Variants in BRD4 observed in about 807,000 individuals in gnomAD.
BRD4 encodes bromodomain containing 4, also known as bromodomain-containing protein 4.
A neutral mutation model predicts 142.1 loss-of-function variants in BRD4; 16 were observed. That is an observed-to-expected ratio of 0.11 (90% CI 0.08 to 0.17). BRD4 has a LOEUF of 0.17. Ranked by LOEUF, BRD4 falls within the 10% of genes least tolerant of loss-of-function variation. BRD4 has a pLI of 1.00. For synonymous variants in BRD4, 833 were observed against 707.5 expected, an observed-to-expected ratio of 1.18 and a Z score of -2.82; for missense variants, 1,424 against 1,810.9, an observed-to-expected ratio of 0.79 and a Z score of 3.88.
rs901173247 is a variant in BRD4, at chr19:15,249,197, G to T, written c.2159-4435C>A. 1.2e-5 allele frequency: 19 copies of T among 1,609,566 alleles called. No individual in the cohort carries two copies. In the Admixed American group the frequency reaches 3.2e-4, roughly 27 times the overall value. On this transcript the variant is annotated intron_variant, in intron 11 of 19. Coordinates refer to ENST00000679869, the MANE Select transcript of BRD4 (RefSeq NM_001379291.1). The stretch of plus-strand genomic sequence containing the variant: ...CTTGATGGAGTCCTGTCCCTTTCAC[G>T]GAAGAAAATGGACTTAAGCTATAGC...
chr19:15,247,188 C>G (rs1356291112), intron 11 of BRD4: 1 of 230,324 alleles, frequency 4.3e-6, no homozygotes, highest in East Asian at 6.2e-5. Flanking sequence ...ACCCACCCCC[C>G]AGCCCCACTC....
At chr19:15,314,340 G>T (rs758619682) in intron 1 of BRD4, among the ~76,000 whole-genome samples, 5 of 152,140 alleles carry the variant, frequency 3.3e-5, no homozygotes, top group Non-Finnish European at 7.3e-5. Flanking sequence ...TATTAAACAT[G>T]ATACTTATCT....
Position 15,237,614 on chromosome 19 carries a change from T to C in BRD4, c.*763A>G. 1 of 218,372 alleles carries C rather than the reference T, an allele frequency of 4.6e-6. No homozygotes were observed. The highest frequency in any genetic ancestry group is 6.4e-5 in the East Asian group (1 of 15,676). The allele number at this position is 218,372 out of a possible 1,614,324, so 13.5% of individuals were successfully genotyped here. A position where few individuals can be genotyped will look rare whatever the true frequency, so the allele number is the denominator to read the frequency against. ...AAATAAAATAGAATTCAACAAAAAA[T>C]ATATATAGAAAAAAAAGAAAAAAAA... On this transcript the variant is annotated 3_prime_UTR_variant, in exon 20 of 20. Coordinates refer to ENST00000679869, the MANE Select transcript of BRD4 (RefSeq NM_001379291.1).
chr19:15,242,254 A>AG (rs1435664111), intron 14 of BRD4, among the ~76,000 whole-genome samples: 2 of 152,206 alleles, frequency 1.3e-5, no homozygotes, highest in Non-Finnish European at 2.9e-5. Context: ...CTAACCCTGC[A>AG]GCACCACATC....
At chr19:15,320,571 ATC>A (rs2048053044) in intron 1 of BRD4, among the ~76,000 whole-genome samples, 1 of 152,218 alleles carries the variant, frequency 6.6e-6, no homozygotes, top group African/African-American at 2.4e-5. Context: ...TAAACTTTAT[ATC>A]TACCTGGTCT....
intron 1 of BRD4, among the ~76,000 whole-genome samples, chr19:15,318,747 A>G (rs2048036907): frequency 6.6e-6 from 1 of 152,212 alleles, no homozygotes; most frequent in Admixed American, 6.5e-5. Flanking sequence ...CAAATCATGG[A>G]GACAGTTTAC....
chr19:15,238,841 C>T lies in BRD4; in HGVS notation c.3922G>A (p.Ala1308Thr), dbSNP rs973091914. The T allele has an allele frequency of 3.7e-6, 6 of 1,602,128 alleles. 1 individual carries two copies. The highest frequency in any genetic ancestry group is 3.3e-5 in the South Asian group (3 of 89,678). Residue 1308 changes from alanine to threonine, a missense_variant, in exon 19 of 20, where the codon GCC becomes ACC. Physicochemically the swap from Ala to Thr is moderately conservative, Grantham distance 58 (BLOSUM62 0). Around this residue, in one of 16 missense-constraint regions of BRD4, gnomAD observed 109 missense variants for 117.9 expected, o/e 0.92. Coordinates refer to ENST00000679869, the MANE Select transcript of BRD4 (RefSeq NM_001379291.1). The surrounding 1 kb of genome is among the most constrained non-coding windows in gnomAD (Gnocchi z 7.2). ...QQQAAAVAAA[A>T]TPQAQSSQPQ... ...TGGGAGCTCTGGGCCTGTGGGGTGGCGGCGGCAGCCACCGCAGCTGCTTGC... is the reference window on the plus strand; with the variant it reads ...TGGGAGCTCTGGGCCTGTGGGGTGGTGGCGGCAGCCACCGCAGCTGCTTGC...
intron 11 of BRD4, chr19:15,253,339 T>C: frequency 1.7e-6 from 1 of 584,808 alleles, no homozygotes. Flanking sequence ...ATGAGGAAAG[T>C]GCACACTTGG....
chr19:15,252,882 T>G (rs2047362500), intron 11 of BRD4: 1 of 178,184 alleles, frequency 5.6e-6, no homozygotes, highest in Non-Finnish European at 1.2e-5. Context: ...AGGTGCCACC[T>G]ACCCCCACCC....
chr19:15,270,714 G>A (rs182479972), intron 2 of BRD4, among the ~76,000 whole-genome samples: 3 of 152,282 alleles, frequency 2.0e-5, no homozygotes, highest in African/African-American at 2.4e-5. Flanking sequence ...TCAGAAAACA[G>A]ACAAGGAATA....
At chr19:15,309,185 T>A (rs1237863809) in intron 1 of BRD4, among the ~76,000 whole-genome samples, 4 of 150,900 alleles carry the variant, frequency 2.7e-5, no homozygotes, top group Non-Finnish European at 4.4e-5. Context: ...TACAAAAAAT[T>A]AGCCAGGCGT....
At chr19:15,263,681 G>A (rs192362102) in intron 6 of BRD4, 133 bp from the exon 7 acceptor site, 3 of 1,135,792 alleles carry the variant, frequency 2.6e-6, no homozygotes, top group Non-Finnish European at 3.8e-6. Context: ...AGACTCTAGT[G>A]GGGGGACAGG....
In BRD4 at chr19:15,264,574, T is replaced by C. The variant is rs759815356; in HGVS notation, c.1042A>G (p.Ser348Gly). 2 of 1,614,190 alleles carry C rather than the reference T, an allele frequency of 1.2e-6. No individual in the cohort carries two copies. The highest frequency in any genetic ancestry group is 2.2e-5 in the South Asian group (2 of 91,084). ...CACTTGAGCTGCTCCGAGACCTTGCTGCTCTTCTCTGGTGCTGGGTGCTGC... is the reference window on the plus strand; with the variant it reads ...CACTTGAGCTGCTCCGAGACCTTGCCGCTCTTCTCTGGTGCTGGGTGCTGC... ...SQQHPAPEKS[S>G]KVSEQLKCCS... The change falls in exon 6 of 20, where the codon AGC becomes GGC. Residue 348 changes from serine (S) to glycine (G), a missense_variant. This residue lies in a region of BRD4 where 86 missense variants were observed against 79.9 expected (regional missense o/e 1.08). Transcript: ENST00000679869.
chr19:15,258,275 T>C (rs2047434180), intron 7 of BRD4, among the ~76,000 whole-genome samples: 1 of 151,312 alleles, frequency 6.6e-6, no homozygotes, highest in African/African-American at 2.4e-5. Flanking sequence ...CATATAACTG[T>C]GGTGTTGATT....
At chr19:15,302,214 A>G (rs1448184868) in intron 1 of BRD4, among the ~76,000 whole-genome samples, 1 of 152,094 alleles carries the variant, frequency 6.6e-6, no homozygotes, top group Non-Finnish European at 1.5e-5. Flanking sequence ...AAGAGAATAA[A>G]CAAACCACAT....
At position 15,244,422 on chromosome 19, in the gene BRD4, G is replaced by C. The variant is rs2047266241; in HGVS notation, c.2390C>G (p.Pro797Arg). The C allele has an allele frequency of 3.1e-6, 5 of 1,591,776 alleles. No individual in the cohort carries two copies. In the South Asian group the frequency reaches 5.6e-5, roughly 18 times the overall value. ...QQAAPAMKSS[P>R]PPFIATQVPV... ...CACCTGGGTGGCAATGAAGGGTGGGGGCGAGGACTTCATCGCCGGGGCTGC... is the reference window on the plus strand; with the variant it reads ...CACCTGGGTGGCAATGAAGGGTGGGCGCGAGGACTTCATCGCCGGGGCTGC... Residue 797 changes from proline (P) to arginine (R), a missense_variant, in exon 13 of 20, where the codon CCC becomes CGC. Pro to Arg is a moderately radical substitution (Grantham distance 103). Transcript: ENST00000679869.
chr19:15,274,379 G>A (rs957062524), intron 1 of BRD4, among the ~76,000 whole-genome samples: 3 of 152,210 alleles, frequency 2.0e-5, no homozygotes, highest in African/African-American at 4.8e-5. Flanking sequence ...GGGGTCAAGG[G>A]GAGGGGAGGC....
At chr19:15,315,582 T>C (rs2048009934) in intron 1 of BRD4, among the ~76,000 whole-genome samples, 1 of 152,136 alleles carries the variant, frequency 6.6e-6, no homozygotes, top group Non-Finnish European at 1.5e-5. Flanking sequence ...GGGCCGGGCA[T>C]GGTGGCTCAC....
intron 1 of BRD4, among the ~76,000 whole-genome samples, chr19:15,320,218 T>C (rs2048049894): frequency 6.6e-6 from 1 of 152,182 alleles, no homozygotes; most frequent in African/African-American, 2.4e-5. Context: ...AAAGGAATAA[T>C]ATTTCCAACA....
Sources: gnomAD v4.1 joint callset for allele counts (sites outside exome capture counted in the v4.1 genomes callset) on GRCh38, gnomAD v4.1.1 for gene constraint, gnomAD v4.1.1 regional missense constraint, Gnocchi (gnomAD v3.1) non-coding constraint, MANE v1.5 for transcripts, NCBI Gene and HGNC (gene_info 2026-07-23, HGNC 2026-07-21) for gene names.